SLC2A13: variants seen among roughly 807,000 people sequenced by gnomAD.
SLC2A13 encodes solute carrier family 2 member 13, also known as proton myo-inositol cotransporter.
Under a neutral mutation model 64.4 loss-of-function variants are expected in SLC2A13, and 32 were observed. That is an observed-to-expected ratio of 0.50 (90% CI 0.37 to 0.67). The LOEUF (loss-of-function observed/expected upper bound fraction) is 0.67. SLC2A13 is among the 30% of genes least tolerant of loss of function. The pLI, the probability that SLC2A13 is intolerant of heterozygous loss-of-function variation, is 0.00. For synonymous variants in SLC2A13, 338 were observed against 327.1 expected, an observed-to-expected ratio of 1.03 and a Z score of -0.36; for missense variants, 743 against 829.2, an observed-to-expected ratio of 0.90 and a Z score of 1.28.
At chr12:39,993,828 AAAC>A (rs1222899890) in intron 3 of SLC2A13, among the ~76,000 whole-genome samples, 3 of 152,236 alleles carry the variant, frequency 2.0e-5, no homozygotes, top group Non-Finnish European at 4.4e-5. Context: ...AAATATTTCC[AAAC>A]AACATTGAAT....
chr12:40,088,126 A>G (rs1938645662), intron 1 of SLC2A13, among the ~76,000 whole-genome samples: 1 of 152,214 alleles, frequency 6.6e-6, no homozygotes, highest in Non-Finnish European at 1.5e-5. Flanking sequence ...AGTTTAATCT[A>G]TTAAAAGGAG....
intron 4 of SLC2A13, among the ~76,000 whole-genome samples, chr12:39,894,136 G>C (rs577457294): frequency 1.0e-3 from 154 of 152,226 alleles, no homozygotes; most frequent in Middle Eastern, 3.4e-3. Flanking sequence ...ATAGTGCCAC[G>C]TCACTAGGGC....
intron 4 of SLC2A13, among the ~76,000 whole-genome samples, chr12:39,930,271 AG>A (rs1472519111): frequency 2.6e-5 from 4 of 152,110 alleles, no homozygotes; most frequent in South Asian, 4.1e-4. Flanking sequence ...AAGGTGGAGG[AG>A]GGGGAAGTGC....
intron 6 of SLC2A13, among the ~76,000 whole-genome samples, chr12:39,839,775 T>C (rs538248114): frequency 5.4e-4 from 82 of 152,208 alleles, no homozygotes; most frequent in African/African-American, 2.0e-3. Flanking sequence ...ATGACCTCTT[T>C]CTTTCCTTTG....
At chr12:40,046,352 T>A (rs1183339552) in intron 2 of SLC2A13, among the ~76,000 whole-genome samples, 8 of 152,214 alleles carry the variant, frequency 5.3e-5, no homozygotes, top group Admixed American at 5.2e-4. Flanking sequence ...GTCACTACTG[T>A]GAGATCTTTC....
Position 40,047,964 on chromosome 12 carries a change from G to A in SLC2A13, c.716+87C>T, listed in dbSNP as rs186514375. 5 of 1,247,850 alleles carry A rather than the reference G, an allele frequency of 4.0e-6. No homozygotes were observed. The Admixed American group carries it at 9.4e-5, about 23-fold the overall frequency. The allele number at this position is 1,247,850 out of a possible 1,614,324, so 77.3% of individuals were successfully genotyped here. On this transcript the variant is annotated intron_variant, in intron 2 of 9. Coordinates refer to ENST00000280871, the MANE Select transcript of SLC2A13 (RefSeq NM_052885.4). ...TAGCAATAATGATTCAAAACACACAGCTATATTTTGACTATGATTTCTCAA... is the reference window on the plus strand; with the variant it reads ...TAGCAATAATGATTCAAAACACACAACTATATTTTGACTATGATTTCTCAA...
Position 39,811,793 on chromosome 12 carries a change from T to A in SLC2A13, c.1445+18310A>T, listed in dbSNP as rs73274609. Among the ~76,000 whole-genome samples the A allele has an allele frequency of 4.6e-3, 707 of 152,314 alleles. 7 individuals carry two copies. The highest frequency in any genetic ancestry group is 0.016 in the African/African-American group (662 of 41,562). On this transcript the variant is annotated intron_variant, in intron 7 of 9. Coordinates refer to ENST00000280871, the MANE Select transcript of SLC2A13 (RefSeq NM_052885.4). Reference sequence around the variant, plus strand: ...TTAACAAAAGCACTCTAGCTTTATATGATTAGTGTTAGTACAGTATGTCTG... The same window carrying A: ...TTAACAAAAGCACTCTAGCTTTATAAGATTAGTGTTAGTACAGTATGTCTG...
chr12:39,877,628 T>C (rs1004227468), intron 4 of SLC2A13, among the ~76,000 whole-genome samples: 1 of 152,184 alleles, frequency 6.6e-6, no homozygotes, highest in African/African-American at 2.4e-5. Context: ...ACAAACCTAA[T>C]TTTTAAAAGT....
intron 2 of SLC2A13, among the ~76,000 whole-genome samples, chr12:40,035,343 A>T (rs1947965192): frequency 6.6e-6 from 1 of 152,240 alleles, no homozygotes; most frequent in Admixed American, 6.5e-5. Flanking sequence ...GAATTTAGCC[A>T]GTTGCTAGAG....
At chr12:40,098,098 TTTA>T (rs1473588564) in intron 1 of SLC2A13, among the ~76,000 whole-genome samples, 1 of 151,708 alleles carries the variant, frequency 6.6e-6, no homozygotes, top group Non-Finnish European at 1.5e-5. Flanking sequence ...TATATGTGTA[TTTA>T]TTTTTATATG....
At chr12:39,952,447 A>T (rs1946247827) in intron 3 of SLC2A13, among the ~76,000 whole-genome samples, 1 of 152,206 alleles carries the variant, frequency 6.6e-6, no homozygotes, top group African/African-American at 2.4e-5. Context: ...ATCTTTTGAA[A>T]ATCTAATATT....
chr12:40,097,872 G>A (rs1281291334), intron 1 of SLC2A13, among the ~76,000 whole-genome samples: 1 of 151,950 alleles, frequency 6.6e-6, no homozygotes, highest in Non-Finnish European at 1.5e-5. Context: ...TCAATTCTGG[G>A]TATATATCCA....
chr12:39,999,477 T>C (rs1591993552), intron 3 of SLC2A13, among the ~76,000 whole-genome samples: 1 of 152,104 alleles, frequency 6.6e-6, no homozygotes, highest in Non-Finnish European at 1.5e-5. Flanking sequence ...GTGTCTGTCT[T>C]ATGCAGTTGA....
At chr12:39,851,727 T>C (rs1032749082) in intron 6 of SLC2A13, among the ~76,000 whole-genome samples, 1 of 152,232 alleles carries the variant, frequency 6.6e-6, no homozygotes, top group Admixed American at 6.5e-5. Context: ...TATCAGCTGC[T>C]TAGCAATATG....
Position 40,099,789 on chromosome 12 carries a change from A to T in SLC2A13, c.556+5464T>A, listed in dbSNP as rs1482286. Among the ~76,000 whole-genome samples, 8 of 152,100 alleles carry T rather than the reference A, an allele frequency of 5.3e-5. 1 individual carries two copies. Among genetic ancestry groups the T allele is most frequent in the African/African-American group, 1.9e-4 (8 of 41,444 alleles). Reference sequence around the variant, plus strand: ...AATGTGTATAAAACAAGGAAATACAAGAAGTCAAAGGAGGCTTTATGTGTC... The same window carrying T: ...AATGTGTATAAAACAAGGAAATACATGAAGTCAAAGGAGGCTTTATGTGTC... On this transcript the variant is annotated intron_variant, in intron 1 of 9. Coordinates refer to ENST00000280871, the MANE Select transcript of SLC2A13 (RefSeq NM_052885.4).
chr12:40,042,416 G>A (rs1422922037), intron 2 of SLC2A13, among the ~76,000 whole-genome samples: 4 of 151,980 alleles, frequency 2.6e-5, no homozygotes, highest in African/African-American at 9.7e-5. Flanking sequence ...AATAATGAAA[G>A]TTTTCAGGTT....
chr12:39,897,379 C>T (rs188502229), intron 4 of SLC2A13, among the ~76,000 whole-genome samples: 144 of 152,250 alleles, frequency 9.5e-4, no homozygotes, highest in African/African-American at 3.4e-3. Context: ...AGACAGCTGT[C>T]ATAACAATTC....
At chr12:40,059,803 TTAGATTC>T (rs1012658350) in intron 1 of SLC2A13, among the ~76,000 whole-genome samples, 6 of 152,148 alleles carry the variant, frequency 3.9e-5, no homozygotes, top group African/African-American at 1.4e-4. Flanking sequence ...GAAAGGCCTG[TTAGATTC>T]TTCTTGACCC....
chr12:39,959,205 T>A (rs1361650101), intron 3 of SLC2A13, among the ~76,000 whole-genome samples: 1 of 152,206 alleles, frequency 6.6e-6, no homozygotes, highest in Non-Finnish European at 1.5e-5. Flanking sequence ...TCCTCTTCAA[T>A]ATGCAGCAGA....
Sources: gnomAD v4.1 joint callset for allele counts (sites outside exome capture counted in the v4.1 genomes callset) on GRCh38, gnomAD v4.1.1 for gene constraint, MANE v1.5 for transcripts, NCBI Gene and HGNC (gene_info 2026-07-23, HGNC 2026-07-21) for gene names.